Variants in SLC24A3 observed in about 807,000 individuals in gnomAD.
The protein encoded by SLC24A3 is sodium/potassium/calcium exchanger 3.
SLC24A3 carries 28 observed loss-of-function variants against 75.8 expected under a neutral mutation model. That is an observed-to-expected ratio of 0.37 (90% CI 0.27 to 0.51). The LOEUF (loss-of-function observed/expected upper bound fraction) is 0.51. Among genes scored for constraint, SLC24A3 ranks in the 20% least tolerant of loss-of-function variants. The pLI is 0.94. For synonymous variants in SLC24A3, 372 were observed against 334.1 expected, an observed-to-expected ratio of 1.11 and a Z score of -1.24; for missense variants, 663 against 847.8, an observed-to-expected ratio of 0.78 and a Z score of 2.71.
In SLC24A3 at chr20:19,720,441, G is replaced by A. The variant is rs144127402; in HGVS notation, c.1786-550G>A. 3.9e-5 allele frequency among the ~76,000 whole-genome samples: 6 copies of A among 152,326 alleles called. No homozygotes were observed. The East Asian group carries it at 1.2e-3, about 29-fold the overall frequency. ...GTTACATCGTTGGCTGCAACAGGCAGAACCAAGAGGAACTGTGGGAAGAAC... is the reference window on the plus strand; with the variant it reads ...GTTACATCGTTGGCTGCAACAGGCAAAACCAAGAGGAACTGTGGGAAGAAC... On this transcript the variant is annotated intron_variant, in intron 16 of 16. Coordinates refer to ENST00000328041, the MANE Select transcript of SLC24A3 (RefSeq NM_020689.4).
chr20:19,639,566 C>T (rs1444700264), intron 6 of SLC24A3, among the ~76,000 whole-genome samples: 1 of 152,258 alleles, frequency 6.6e-6, no homozygotes, highest in Non-Finnish European at 1.5e-5. Flanking sequence ...GCTGGCTTCA[C>T]CCAGTGGATC....
intron 2 of SLC24A3, among the ~76,000 whole-genome samples, chr20:19,370,476 T>G (rs6081579): frequency 0.35 from 53,751 of 152,194 alleles, 10,312 homozygotes; most frequent in Middle Eastern, 0.55. Flanking sequence ...TAAGAAATGT[T>G]CCTGCCATCT....
chr20:19,344,386 C>G (rs1253596761), intron 2 of SLC24A3, among the ~76,000 whole-genome samples: 2 of 152,188 alleles, frequency 1.3e-5, no homozygotes, highest in Non-Finnish European at 2.9e-5. Flanking sequence ...GAAACCATAA[C>G]TACATATGTA....
chr20:19,551,989 G>A (rs1454529027), intron 3 of SLC24A3, among the ~76,000 whole-genome samples: 4 of 152,180 alleles, frequency 2.6e-5, no homozygotes, highest in African/African-American at 4.8e-5. Flanking sequence ...GGCTACTCAC[G>A]TCGCCACTGC....
chr20:19,325,764 A>G (rs1475186334), intron 2 of SLC24A3, among the ~76,000 whole-genome samples: 1 of 48,358 alleles, frequency 2.1e-5, no homozygotes, highest in African/African-American at 1.5e-4. Context: ...ATACATACAT[A>G]CATATATATA....
At chr20:19,263,073 T>TGTGTG (rs1405808865) in intron 1 of SLC24A3, among the ~76,000 whole-genome samples, 1 of 110,712 alleles carries the variant, frequency 9.0e-6, no homozygotes, top group African/African-American at 3.3e-5. Context: ...GTGTGTGTGT[T>TGTGTG]TTCTGTTGAC....
At chr20:19,307,744 G>C (rs750353921) in intron 2 of SLC24A3, among the ~76,000 whole-genome samples, 4 of 152,108 alleles carry the variant, frequency 2.6e-5, no homozygotes, top group Non-Finnish European at 4.4e-5. Context: ...TGTTCAGCAC[G>C]TGTATCCCAG....
At chr20:19,679,618 C>G (rs973936339) in intron 9 of SLC24A3, among the ~76,000 whole-genome samples, 1 of 151,956 alleles carries the variant, frequency 6.6e-6, no homozygotes, top group Non-Finnish European at 1.5e-5. Context: ...GAGACTCACT[C>G]TTTTAGGATT....
intron 2 of SLC24A3, among the ~76,000 whole-genome samples, chr20:19,297,213 C>T (rs903319841): frequency 6.6e-6 from 1 of 152,238 alleles, no homozygotes; most frequent in Non-Finnish European, 1.5e-5. Flanking sequence ...CCCATTCCCT[C>T]TCACATGTGT....
intron 3 of SLC24A3, among the ~76,000 whole-genome samples, chr20:19,561,217 T>A (rs1244170514): frequency 6.6e-6 from 1 of 152,206 alleles, no homozygotes; most frequent in African/African-American, 2.4e-5. Context: ...AGAAATTGGC[T>A]ATGGCTCTGT....
At position 19,212,687 on chromosome 20, in the gene SLC24A3, GA is replaced by G; in HGVS notation, c.-155del. Reference sequence around the variant, plus strand: ...CGACGAGGAGACGGGCAGCGGCGAGGAGGAGGAAGAGGAGGCGGAGGCGGCG... The same window carrying G: ...CGACGAGGAGACGGGCAGCGGCGAGGGGAGGAAGAGGAGGCGGAGGCGGCG... On this transcript the variant is annotated 5_prime_UTR_variant, in exon 1 of 17. Coordinates refer to ENST00000328041, the MANE Select transcript of SLC24A3 (RefSeq NM_020689.4). The G allele has an allele frequency of 2.5e-6, 1 of 400,328 alleles. No homozygotes were observed. Among genetic ancestry groups the G allele is most frequent in the Non-Finnish European group, 3.4e-6 (1 of 296,590 alleles). 24.8% of individuals were successfully genotyped at this position (400,328 alleles called of 1,614,324 possible).
chr20:19,434,388 G>A (rs796190281), intron 2 of SLC24A3, among the ~76,000 whole-genome samples: 22 of 152,344 alleles, frequency 1.4e-4, no homozygotes, highest in African/African-American at 5.1e-4. Flanking sequence ...TTGAGTCTGA[G>A]CACATGGTGG....
At chr20:19,594,977 T>C (rs1460290761) in intron 6 of SLC24A3, among the ~76,000 whole-genome samples, 1 of 152,208 alleles carries the variant, frequency 6.6e-6, no homozygotes, top group East Asian at 1.9e-4. Context: ...ATTTAAAATG[T>C]AGACTCTGAT....
chr20:19,486,911 C>G (rs949142386), intron 2 of SLC24A3, among the ~76,000 whole-genome samples: 1 of 152,184 alleles, frequency 6.6e-6, no homozygotes, highest in Non-Finnish European at 1.5e-5. Flanking sequence ...GGCTTGGACA[C>G]AACTTTGGTC....
intron 2 of SLC24A3, among the ~76,000 whole-genome samples, chr20:19,354,272 C>T (rs1985632254): frequency 6.6e-6 from 1 of 152,054 alleles, no homozygotes; most frequent in African/African-American, 2.4e-5. Flanking sequence ...AATTTAAAAA[C>T]ATGCCAAATG....
At position 19,541,513 on chromosome 20, in the gene SLC24A3, G is replaced by A. The variant is rs148685201; in HGVS notation, c.348+25949G>A. ...TCAGTTAGAACAGGTGCTGAAGGAA[G>A]GGGATTGGTGTAGTCTAAGGATGTG... On this transcript the variant is annotated intron_variant, in intron 3 of 16. Transcript: ENST00000328041. 2.5e-4 allele frequency among the ~76,000 whole-genome samples: 38 copies of A among 152,328 alleles called. No individual in the cohort carries two copies. In the East Asian group the frequency reaches 7.3e-3, roughly 29 times the overall value.
At chr20:19,334,226 A>G (rs1985073627) in intron 2 of SLC24A3, among the ~76,000 whole-genome samples, 1 of 152,222 alleles carries the variant, frequency 6.6e-6, no homozygotes, top group Non-Finnish European at 1.5e-5. Context: ...AATAGCTTTC[A>G]GAGCCTGGGA....
intron 16 of SLC24A3, among the ~76,000 whole-genome samples, chr20:19,718,313 C>G (rs893648014): frequency 6.6e-6 from 1 of 152,146 alleles, no homozygotes; most frequent in Non-Finnish European, 1.5e-5. Flanking sequence ...AAGATTTCAC[C>G]AAAGCTAATA....
At chr20:19,648,104 A>G (rs963998778) in intron 6 of SLC24A3, among the ~76,000 whole-genome samples, 1 of 152,188 alleles carries the variant, frequency 6.6e-6, no homozygotes, top group Non-Finnish European at 1.5e-5. Flanking sequence ...TTTTCCCGGC[A>G]TAGAAGTTTT....
Sources: gnomAD v4.1 joint callset for allele counts (sites outside exome capture counted in the v4.1 genomes callset) on GRCh38, gnomAD v4.1.1 for gene constraint, MANE v1.5 for transcripts, NCBI Gene and HGNC (gene_info 2026-07-23, HGNC 2026-07-21) for gene names.